Variants in CHD4 observed in about 807,000 individuals in gnomAD.
CHD4 encodes chromodomain helicase DNA binding protein 4, also known as ATP-dependent chromatin remodeler CHD4.
In CHD4, 35 loss-of-function variants were observed where a neutral mutation model predicts 235.5. The observed-to-expected ratio is 0.15, with a 90% CI of 0.11 to 0.20. The LOEUF (loss-of-function observed/expected upper bound fraction) is 0.20, where lower values mean the gene tolerates loss of function less well. CHD4 is among the 10% of genes least tolerant of loss of function. CHD4 has a pLI of 1.00. For synonymous variants in CHD4, 900 were observed against 850.2 expected, an observed-to-expected ratio of 1.06 and a Z score of -1.02; for missense variants, 1,329 against 2,432.3, an observed-to-expected ratio of 0.55 and a Z score of 9.54.
chr12:6,594,417 A>G, intron 15 of CHD4, 42 bp downstream of exon 15: 2 of 1,555,118 alleles, frequency 1.3e-6, no homozygotes, highest in Non-Finnish European at 1.7e-6. Flanking sequence ...CTTCAAACAC[A>G]AAACACCCAC....
At chr12:6,578,989 A>G in intron 33 of CHD4, 72 bp from the exon 34 acceptor site, 1 of 1,395,448 alleles carries the variant, frequency 7.2e-7, no homozygotes, top group South Asian at 1.2e-5. Context: ...CTATTATCCA[A>G]TTGGATAGAC....
chr12:6,591,130 A>T, intron 22 of CHD4: 1 of 169,924 alleles, frequency 5.9e-6, no homozygotes, highest in African/African-American at 2.4e-5. Context: ...CTCAAAAAAA[A>T]AAAAAAAAAA....
At chr12:6,585,639 A>G (rs1454227337) in intron 25 of CHD4, among the ~76,000 whole-genome samples, 18 of 150,924 alleles carry the variant, frequency 1.2e-4, no homozygotes, top group Non-Finnish European at 2.1e-4. Context: ...AATACAAAAA[A>G]TTAGCTGGGT....
In CHD4 at chr12:6,588,034, A is replaced by G. The variant is rs1035000493; in HGVS notation, c.3466-85T>C. 3.6e-6 allele frequency: 5 copies of G among 1,403,108 alleles called. 1 individual carries two copies. The Admixed American group carries it at 8.8e-5, about 25-fold the overall frequency. 86.9% of individuals were successfully genotyped at this position (1,403,108 alleles called of 1,614,324 possible). ...GACTTCCACATAATATTCTAAATTCAGTACAAGGCAAGGTCCACAGCCTAC... is the reference window on the plus strand; with the variant it reads ...GACTTCCACATAATATTCTAAATTCGGTACAAGGCAAGGTCCACAGCCTAC... On this transcript the variant is annotated intron_variant, in intron 23 of 39. Coordinates refer to ENST00000544040, the MANE Select transcript of CHD4 (RefSeq NM_001273.5).
At chr12:6,604,415 C>A (rs1293910832) in intron 2 of CHD4, among the ~76,000 whole-genome samples, 1 of 152,180 alleles carries the variant, frequency 6.6e-6, no homozygotes, top group Non-Finnish European at 1.5e-5. Flanking sequence ...TTAGGCTGGA[C>A]AAAGCACCAT....
Position 6,606,259 on chromosome 12 carries a change from T to G in CHD4, c.100+15A>C. 1 of 1,533,178 alleles carries G rather than the reference T, an allele frequency of 6.5e-7. No homozygotes were observed. The highest frequency in any genetic ancestry group is 8.9e-7 in the Non-Finnish European group (1 of 1,120,682). The allele number at this position is 1,533,178 out of a possible 1,614,324, so 95.0% of individuals were successfully genotyped here. On this transcript the variant is annotated intron_variant, in intron 2 of 39. Transcript: ENST00000544040. ...ATGTCTCCTTCCCGCCATGGGCCCTTGGGGAAGATGTTACCTGGGTGGGGT... is the reference window on the plus strand; with the variant it reads ...ATGTCTCCTTCCCGCCATGGGCCCTGGGGGAAGATGTTACCTGGGTGGGGT...
intron 18 of CHD4, 51 bp from the exon 19 acceptor site, chr12:6,592,617 G>A (rs1362742504): frequency 2.5e-6 from 4 of 1,582,758 alleles, no homozygotes; most frequent in Admixed American, 1.8e-5. Flanking sequence ...AAGGAAGAAA[G>A]AAAAGTGATA....
In CHD4 at chr12:6,577,877, G is replaced by A. The variant is rs750402336; in HGVS notation, c.5269C>T (p.Arg1757Cys). Residue 1757 changes from arginine (R) to cysteine (C), a missense_variant, in exon 37 of 40, where the codon CGC becomes TGC. By Grantham distance (180) the Arg-to-Cys change is radical (BLOSUM62 -3). Around this residue, in one of 26 missense-constraint regions of CHD4, gnomAD observed 135 missense variants for 282.3 expected, o/e 0.48. Transcript: ENST00000544040. The stretch of plus-strand genomic sequence containing the variant: ...AAAGGCTCATTGAGGATGGCATAGC[G>A]TGGGTCATTCTGGATGTCTTGCCAC... ...ARWQDIQNDP[R>C]YAILNEPFKG... is the part of the protein sequence containing the mutation. The A allele has an allele frequency of 3.7e-6, 6 of 1,614,076 alleles. No homozygotes were observed. The highest frequency in any genetic ancestry group is 2.7e-5 in the African/African-American group (2 of 74,928).
chr12:6,600,522 A>C lies in CHD4; in HGVS notation c.1063+12T>G, dbSNP rs781165575. ...CCTCATCCCATCACAAATATACAGA[A>C]GAGAAACACACCTTTCTTTTTCTTT... On this transcript the variant is annotated intron_variant, in intron 8 of 39. Coordinates refer to ENST00000544040, the MANE Select transcript of CHD4 (RefSeq NM_001273.5). 2.5e-6 allele frequency: 4 copies of C among 1,613,572 alleles called. No individual in the cohort carries two copies. The highest frequency in any genetic ancestry group is 2.7e-5 in the African/African-American group (2 of 74,764).
chr12:6,578,376 C>T (rs1364746436), intron 35 of CHD4, 33 bp downstream of exon 35: 8 of 1,605,846 alleles, frequency 5.0e-6, no homozygotes, highest in Non-Finnish European at 6.8e-6. Context: ...ACATCAGATC[C>T]TTCTAACCCT....
At chr12:6,579,865 G>C (rs1948146313) in intron 33 of CHD4, among the ~76,000 whole-genome samples, 1 of 151,558 alleles carries the variant, frequency 6.6e-6, no homozygotes, top group African/African-American at 2.4e-5. Context: ...GACCATCCTA[G>C]CTAACACGGT....
chr12:6,575,625 T>C (rs1948057181), intron 37 of CHD4, among the ~76,000 whole-genome samples: 1 of 152,098 alleles, frequency 6.6e-6, no homozygotes, highest in East Asian at 1.9e-4. Context: ...CCTTAACACC[T>C]CATGATTATA....
In CHD4 at chr12:6,570,231, A is replaced by T; in HGVS notation, c.*445T>A. 1 of 163,980 alleles carries T rather than the reference A, an allele frequency of 6.1e-6. No homozygotes were observed. Among genetic ancestry groups the T allele is most frequent in the Non-Finnish European group, 1.3e-5 (1 of 76,270 alleles). The allele number at this position is 163,980 out of a possible 1,614,324, so 10.2% of individuals were successfully genotyped here. A position where few individuals can be genotyped will look rare whatever the true frequency, so the allele number is the denominator to read the frequency against. ...CCGCTGGGTTCCTGGTATTAAAAAG[A>T]TGCCAACAGAGGTAGCTGTGTCTCG... On this transcript the variant is annotated 3_prime_UTR_variant, in exon 40 of 40. Coordinates refer to ENST00000544040, the MANE Select transcript of CHD4 (RefSeq NM_001273.5).
chr12:6,606,675 G>A, intron 1 of CHD4: 1 of 294,670 alleles, frequency 3.4e-6, no homozygotes, highest in Non-Finnish European at 6.3e-6. Context: ...GGGCAGGCTG[G>A]TGCAAGCGCG....
At chr12:6,601,593 A>G (rs1366363090) in intron 5 of CHD4, 55 bp downstream of exon 5, 57 of 1,613,104 alleles carry the variant, frequency 3.5e-5, no homozygotes, top group Non-Finnish European at 4.4e-5. Flanking sequence ...AAGAGAAGTA[A>G]GAAGAGAGAA....
intron 31 of CHD4, 115 bp downstream of exon 31, chr12:6,581,534 A>G: frequency 6.5e-7 from 1 of 1,548,196 alleles, no homozygotes; most frequent in African/African-American, 1.4e-5. Context: ...CTAAACTGAG[A>G]GGGAATTGCT....
chr12:6,581,617 G>C, intron 31 of CHD4, 32 bp downstream of exon 31: 1 of 1,614,062 alleles, frequency 6.2e-7, no homozygotes, highest in Admixed American at 1.7e-5. Context: ...CAAAAAGAGA[G>C]GGACAGAAAA....
At chr12:6,574,626 C>T (rs1007981031) in intron 37 of CHD4, among the ~76,000 whole-genome samples, 1 of 152,192 alleles carries the variant, frequency 6.6e-6, no homozygotes, top group African/African-American at 2.4e-5. Flanking sequence ...CAAACATGTA[C>T]CTTCAGCACT....
chr12:6,575,449 CAAAAAAA>C (rs201602922), intron 37 of CHD4, among the ~76,000 whole-genome samples: 1 of 58,526 alleles, frequency 1.7e-5, no homozygotes, highest in African/African-American at 5.1e-5. Context: ...GACTTTGTCT[CAAAAAAA>C]AAAAAAAAAA....
Sources: gnomAD v4.1 joint callset for allele counts (sites outside exome capture counted in the v4.1 genomes callset) on GRCh38, gnomAD v4.1.1 for gene constraint, gnomAD v4.1.1 regional missense constraint, MANE v1.5 for transcripts, NCBI Gene and HGNC (gene_info 2026-07-23, HGNC 2026-07-21) for gene names.